The following FNBP1 variants were observed in gnomAD, a reference collection of about 807,000 sequenced individuals.
The protein encoded by FNBP1 is formin-binding protein 1.
Under a neutral mutation model 90.6 loss-of-function variants are expected in FNBP1, and 26 were observed. The ratio of observed to expected loss-of-function variants is 0.29; its 90% CI spans 0.21 to 0.40. FNBP1 has a LOEUF of 0.40. Among genes scored for constraint, FNBP1 ranks in the 10% least tolerant of loss-of-function variants. The pLI, the probability that FNBP1 is intolerant of heterozygous loss-of-function variation, is 1.00. For synonymous variants in FNBP1, 260 were observed against 265.2 expected (o/e 0.98, Z 0.19); for missense variants, 635 against 768.0 (o/e 0.83, Z 2.05).
chr9:130,044,354 T>C (rs1383794987), upstream of FNBP1, among the ~76,000 whole-genome samples: 1 of 152,176 alleles, frequency 6.6e-6, no homozygotes, highest in African/African-American at 2.4e-5. Context: ...CCGGGTCTGG[T>C]GGCTCACGCC....
chr9:129,926,544 C>T (rs1003976640), intron 8 of FNBP1, among the ~76,000 whole-genome samples: 4 of 151,946 alleles, frequency 2.6e-5, no homozygotes, highest in African/African-American at 9.7e-5. Context: ...CTGAAATGCC[C>T]CCAACAAGAA....
rs1001902511 is a variant in FNBP1 at position 129,924,954 on chromosome 9, C to T, written c.987+6G>A. ...AGAAAACTCATTTCACGCCAACCAT[C>T]AGTACCTTATTTTTTTTGATGAACG... On this transcript the variant is annotated splice_donor_region_variant and intron_variant, in intron 9 of 16. Transcript: ENST00000446176. 18 of 1,608,354 alleles carry T rather than the reference C, an allele frequency of 1.1e-5. No homozygotes were observed. Among genetic ancestry groups the T allele is most frequent in the Non-Finnish European group, 1.0e-5 (12 of 1,176,890 alleles).
rs1053684644 is a variant in FNBP1 at position 130,041,495 on chromosome 9, T to C, written c.24+1457A>G. On this transcript the variant is annotated intron_variant, in intron 1 of 16. Transcript: ENST00000446176. This position sits in a 1 kb window ranked among gnomAD's most constrained non-coding sequence, Gnocchi z 4.3. Reference sequence around the variant, plus strand: ...ATAAGCTAAAGAGAGCTAAAGGGAGTGGAAGGATTAGAAGAGGAAAGAAAC... The same window carrying C: ...ATAAGCTAAAGAGAGCTAAAGGGAGCGGAAGGATTAGAAGAGGAAAGAAAC... Among the ~76,000 whole-genome samples, 13 of 151,838 alleles carry C rather than the reference T, an allele frequency of 8.6e-5. No individual in the cohort carries two copies. Among genetic ancestry groups the C allele is most frequent in the Admixed American group, 7.2e-4 (11 of 15,220 alleles).
At chr9:129,914,103 G>A (rs1211186926) in intron 11 of FNBP1, among the ~76,000 whole-genome samples, 3 of 151,192 alleles carry the variant, frequency 2.0e-5, no homozygotes, top group Non-Finnish European at 4.4e-5. Context: ...TGATCTGCCT[G>A]CCCCCACCTC....
chr9:129,951,253 G>A (rs751520391), intron 6 of FNBP1, among the ~76,000 whole-genome samples: 2 of 151,260 alleles, frequency 1.3e-5, no homozygotes, highest in African/African-American at 4.9e-5. Flanking sequence ...CACCATGCCC[G>A]GTCTAATTTT....
In FNBP1 at chr9:129,888,233, C is replaced by A. The variant is rs1487854094; in HGVS notation, c.*2306G>T. On this transcript the variant is annotated 3_prime_UTR_variant, in exon 17 of 17. Transcript: ENST00000446176. ...TTGCAAGAAATGAATCTATCCTGAC[C>A]CATAATATGAAAGATGTGACGCACA... The A allele has an allele frequency of 8.6e-6, 2 of 232,710 alleles. No individual in the cohort carries two copies. Among genetic ancestry groups the A allele is most frequent in the East Asian group, 1.2e-4 (2 of 16,504 alleles). 14.4% of individuals were successfully genotyped at this position (232,710 alleles called of 1,614,324 possible).
At chr9:130,017,202 TAA>T (rs940481737) in intron 1 of FNBP1, among the ~76,000 whole-genome samples, 3 of 152,196 alleles carry the variant, frequency 2.0e-5, no homozygotes, top group Admixed American at 1.3e-4. Flanking sequence ...AAAAAAAAGC[TAA>T]AAGTCTCTAG....
intron 11 of FNBP1, among the ~76,000 whole-genome samples, chr9:129,911,172 G>A (rs2039212415): frequency 6.6e-6 from 1 of 152,136 alleles, no homozygotes; most frequent in Non-Finnish European, 1.5e-5. Flanking sequence ...TCTTGCTACA[G>A]TCTTTTGTTA....
chr9:130,024,959 C>T (rs1196337323), intron 1 of FNBP1, among the ~76,000 whole-genome samples: 1 of 152,116 alleles, frequency 6.6e-6, no homozygotes, highest in Non-Finnish European at 1.5e-5. Flanking sequence ...GTGGGTGAAT[C>T]ACCTGAGGTC....
At chr9:129,942,408 C>T (rs1015812561) in intron 6 of FNBP1, among the ~76,000 whole-genome samples, 1 of 152,168 alleles carries the variant, frequency 6.6e-6, no homozygotes, top group Non-Finnish European at 1.5e-5. Context: ...CCAGTACAAC[C>T]CCCACCTCTC....
chr9:129,905,294 GTA>G (rs56217495), intron 12 of FNBP1, among the ~76,000 whole-genome samples: 3 of 132,330 alleles, frequency 2.3e-5, no homozygotes, highest in African/African-American at 2.9e-5. Flanking sequence ...GTGTGTGTGT[GTA>G]TATATATATA....
intron 10 of FNBP1, among the ~76,000 whole-genome samples, chr9:129,917,500 G>A (rs1588527898): frequency 6.6e-6 from 1 of 151,890 alleles, no homozygotes; most frequent in Non-Finnish European, 1.5e-5. Context: ...GTCCAGCTAA[G>A]TTTTGTATTT....
At chr9:129,960,081 T>A (rs900674586) in intron 4 of FNBP1, among the ~76,000 whole-genome samples, 2 of 151,988 alleles carry the variant, frequency 1.3e-5, no homozygotes, top group Non-Finnish European at 2.9e-5. Context: ...TTGATAGACA[T>A]CAGAGTTGTT....
At chr9:130,045,112 C>T (rs1466803752), upstream of FNBP1, 1 of 152,082 alleles carries the variant, frequency 6.6e-6, no homozygotes, top group Non-Finnish European at 1.5e-5. Flanking sequence ...AGTTACAACC[C>T]TCCCTTCCTG....
In FNBP1 at chr9:129,900,607, G is replaced by A. The variant is rs760974079; in HGVS notation, c.1429-60C>T. 15 of 1,393,244 alleles carry A rather than the reference G, an allele frequency of 1.1e-5. No individual in the cohort carries two copies. Among genetic ancestry groups the A allele is most frequent in the Non-Finnish European group, 1.3e-5 (14 of 1,073,868 alleles). The allele number at this position is 1,393,244 out of a possible 1,614,324, so 86.3% of individuals were successfully genotyped here. A position where few individuals can be genotyped will look rare whatever the true frequency, so the allele number is the denominator to read the frequency against. On this transcript the variant is annotated intron_variant, in intron 13 of 16. Transcript: ENST00000446176. The surrounding 1 kb of genome is among the most constrained non-coding windows in gnomAD (Gnocchi z 4.1). ...GGCCATCTGAGGGTCAGCCCAGAGT[G>A]TCCTAAGGTCCCAAAGGCCATCTGA...
intron 1 of FNBP1, among the ~76,000 whole-genome samples, chr9:129,999,600 A>G (rs1299995447): frequency 6.7e-6 from 1 of 148,366 alleles, no homozygotes; most frequent in South Asian, 2.1e-4. Flanking sequence ...CTCTGTCTCA[A>G]AAAAAAAAAA....
chr9:129,985,990 G>A (rs4837442), intron 2 of FNBP1, among the ~76,000 whole-genome samples: 12 of 135,718 alleles, frequency 8.8e-5, no homozygotes, highest in East Asian at 4.2e-4. Context: ...AAAAAAATTC[G>A]CCAGGTGTGG....
At chr9:129,968,055 G>A (rs1337314899) in intron 4 of FNBP1, among the ~76,000 whole-genome samples, 3 of 151,832 alleles carry the variant, frequency 2.0e-5, no homozygotes, top group African/African-American at 7.3e-5. Context: ...GTGGTGAAAG[G>A]GCCCACTTTT....
chr9:130,053,619 A>C, the FNBP1 span: 1 of 411,590 alleles, frequency 2.4e-6, no homozygotes, highest in Non-Finnish European at 4.4e-6. Flanking sequence ...CCCGGAGCCC[A>C]AGGTCGCTTC....
Sources: gnomAD v4.1 joint callset for allele counts (sites outside exome capture counted in the v4.1 genomes callset) on GRCh38, gnomAD v4.1.1 for gene constraint, Gnocchi (gnomAD v3.1) non-coding constraint, MANE v1.5 for transcripts, NCBI Gene and HGNC (gene_info 2026-07-23, HGNC 2026-07-21) for gene names.